The following ABCC11 variants were observed in gnomAD, a reference collection of about 807,000 sequenced individuals.
ABCC11 encodes ATP-binding cassette sub-family C member 11.
A neutral mutation model predicts 149.3 loss-of-function variants in ABCC11; 135 were observed. That is an observed-to-expected ratio of 0.90 (90% CI 0.79 to 1.04). The LOEUF (loss-of-function observed/expected upper bound fraction) is 1.04. Among genes scored for constraint, ABCC11 ranks in the 50% least tolerant of loss-of-function variants. The pLI, the probability that ABCC11 is intolerant of heterozygous loss-of-function variation, is 0.00. For synonymous variants in ABCC11, 665 were observed against 671.4 expected (o/e 0.99, Z 0.15); for missense variants, 1,680 against 1,722.1 (o/e 0.98, Z 0.43).
At chr16:48,175,453 T>C (rs199555814) in intron 25 of ABCC11, 36 bp from the exon 26 acceptor site, 409 of 1,587,466 alleles carry the variant, frequency 2.6e-4, no homozygotes, top group Non-Finnish European at 3.3e-4. Flanking sequence ...CTCAGTTTCC[T>C]GCATCTGCAC....
At chr16:48,223,584 T>C (rs148813225) in intron 5 of ABCC11, 2 of 152,940 alleles carry the variant, frequency 1.3e-5, no homozygotes, top group Non-Finnish European at 2.9e-5. Context: ...CTGGTACCAG[T>C]GCCTCAGTTT....
intron 1 of ABCC11, among the ~76,000 whole-genome samples, chr16:48,238,155 T>C (rs1970776285): frequency 6.6e-6 from 1 of 152,144 alleles, no homozygotes; most frequent in African/African-American, 2.4e-5. Context: ...AATGTGAAAA[T>C]GATGTTCAGT....
chr16:48,206,217 T>C (rs1392994152), intron 12 of ABCC11, among the ~76,000 whole-genome samples: 1 of 152,230 alleles, frequency 6.6e-6, no homozygotes, highest in African/African-American at 2.4e-5. Context: ...GGAATTATTA[T>C]TGTTAGGTAG....
At position 48,198,017 on chromosome 16, in the gene ABCC11, A is replaced by G; in HGVS notation, c.2268T>C (p.Ser756=). ...AKIAEKPKVE[S]QALATSLEES... ...CTTCCAGGGAGGTGGCCAGAGCCTG[A>G]CTTTCTACCTTTGGCTTCTCTGCTA... Residue 756 remains serine (S), a synonymous_variant, in exon 17 of 30, where the codon AGT becomes AGC. Coordinates refer to ENST00000356608, the MANE Select transcript of ABCC11 (RefSeq NM_001370497.1). 2 of 1,614,152 alleles carry G rather than the reference A, an allele frequency of 1.2e-6. No homozygotes were observed. Among genetic ancestry groups the G allele is most frequent in the Non-Finnish European group, 8.5e-7 (1 of 1,180,028 alleles).
intron 2 of ABCC11, 145 bp downstream of exon 2, chr16:48,231,678 A>G: frequency 1.1e-6 from 1 of 951,906 alleles, no homozygotes; most frequent in East Asian, 3.0e-5. Flanking sequence ...AAAAAAAAAG[A>G]GAGAGAGAGA....
intron 26 of ABCC11, among the ~76,000 whole-genome samples, chr16:48,173,540 T>C (rs998699196): frequency 3.3e-5 from 5 of 152,232 alleles, no homozygotes; most frequent in African/African-American, 1.2e-4. Flanking sequence ...ACAGGAGATT[T>C]GGCCACATTC....
chr16:48,208,259 G>A (rs942441574), intron 12 of ABCC11, among the ~76,000 whole-genome samples, 166 bp downstream of exon 12: 1 of 152,156 alleles, frequency 6.6e-6, no homozygotes, highest in Non-Finnish European at 1.5e-5. Flanking sequence ...CCTTGATCAC[G>A]CACCTCCCGC....
At chr16:48,182,053 C>T (rs977599665) in intron 23 of ABCC11, among the ~76,000 whole-genome samples, 2 of 152,204 alleles carry the variant, frequency 1.3e-5, no homozygotes, top group Non-Finnish European at 2.9e-5. Flanking sequence ...ATTGCACTCC[C>T]AGTGCATGTA....
intron 1 of ABCC11, among the ~76,000 whole-genome samples, chr16:48,232,547 C>T (rs1275023337): frequency 2.0e-5 from 3 of 151,840 alleles, no homozygotes; most frequent in Non-Finnish European, 4.4e-5. Flanking sequence ...AATCAGGGTT[C>T]TTTTTTTAAA....
chr16:48,184,328 G>C, intron 23 of ABCC11, 112 bp downstream of exon 23: 1 of 1,306,340 alleles, frequency 7.7e-7, no homozygotes. Flanking sequence ...ATCACACGTG[G>C]CCAGAGCCTA....
chr16:48,186,640 A>G (rs1030180304), intron 22 of ABCC11, among the ~76,000 whole-genome samples: 6 of 152,250 alleles, frequency 3.9e-5, no homozygotes, highest in Admixed American at 6.5e-5. Context: ...GAAAGAAATA[A>G]CATAATGCAA....
intron 3 of ABCC11, among the ~76,000 whole-genome samples, chr16:48,230,077 C>T (rs1970330153): frequency 6.6e-6 from 1 of 152,216 alleles, no homozygotes; most frequent in Non-Finnish European, 1.5e-5. Flanking sequence ...CATACTTCTT[C>T]ACAGCACCTT....
chr16:48,198,362 C>A (rs1967632620), intron 15 of ABCC11, 87 bp from the exon 16 acceptor site: 4 of 1,388,176 alleles, frequency 2.9e-6, no homozygotes, highest in Non-Finnish European at 4.0e-6. Context: ...TAAATTTAAA[C>A]CATGATAAAA....
chr16:48,244,020 T>TA (rs1338927124), intron 1 of ABCC11, among the ~76,000 whole-genome samples: 6 of 152,084 alleles, frequency 3.9e-5, no homozygotes, highest in Non-Finnish European at 5.9e-5. Context: ...AATAAATAAA[T>TA]AATTAGTTCG....
intron 20 of ABCC11, 137 bp from the exon 21 acceptor site, chr16:48,187,564 A>G (rs911952170): frequency 1.3e-4 from 93 of 701,928 alleles, no homozygotes; most frequent in Middle Eastern, 8.1e-4. Context: ...TAGAGCAATG[A>G]TTTAAAAGCA....
At chr16:48,221,093 T>C (rs1448238889) in intron 6 of ABCC11, among the ~76,000 whole-genome samples, 2 of 152,034 alleles carry the variant, frequency 1.3e-5, no homozygotes, top group Admixed American at 1.3e-4. Context: ...AGGAGGGGGA[T>C]GTGCCCGGTG....
intron 25 of ABCC11, among the ~76,000 whole-genome samples, chr16:48,176,721 C>T (rs919929326): frequency 6.6e-6 from 1 of 152,190 alleles, no homozygotes; most frequent in African/African-American, 2.4e-5. Flanking sequence ...GTCTATTTAA[C>T]ATCCGTCTCC....
chr16:48,176,172 G>A (rs894588537), intron 25 of ABCC11: 5 of 152,248 alleles, frequency 3.3e-5, no homozygotes, highest in African/African-American at 1.2e-4. Context: ...AAGAACATAT[G>A]TGGAAGCTCT....
chr16:48,232,452 T>A (rs1298110065), intron 1 of ABCC11, among the ~76,000 whole-genome samples: 1 of 152,174 alleles, frequency 6.6e-6, no homozygotes, highest in African/African-American at 2.4e-5. Flanking sequence ...CATATGTGAA[T>A]GAAAGAAACA....
Sources: allele counts gnomAD v4.1 joint callset (sites outside exome capture counted in the v4.1 genomes callset), GRCh38; gene constraint gnomAD v4.1.1; transcripts MANE v1.5; gene names NCBI Gene and HGNC (gene_info 2026-07-23, HGNC 2026-07-21).